Variants in P3H2 observed in about 807,000 individuals in gnomAD.
P3H2 encodes the protein prolyl 3-hydroxylase 2, also known as leprecan-like 1.
A neutral mutation model predicts 87.0 loss-of-function variants in P3H2; 80 were observed. That is an observed-to-expected ratio of 0.92 (90% CI 0.77 to 1.11). P3H2 has a LOEUF of 1.11. Among genes scored for constraint, P3H2 ranks in the 50% least tolerant of loss-of-function variants. The probability of loss-of-function intolerance (pLI) is 0.00; values close to 1 mark genes in which losing one functional copy is unlikely to be tolerated. For missense variants in P3H2, 1,001 were observed against 923.9 expected, an observed-to-expected ratio of 1.08 and a Z score of -1.08; for synonymous variants, 367 against 359.3, an observed-to-expected ratio of 1.02 and a Z score of -0.24.
chr3:190,038,311 A>G (rs1725489323), intron 1 of P3H2, among the ~76,000 whole-genome samples: 1 of 151,754 alleles, frequency 6.6e-6, no homozygotes. Flanking sequence ...ACTATGAGTG[A>G]GTAACATGAT....
At chr3:189,964,383 G>A (rs184251276) in intron 13 of P3H2, among the ~76,000 whole-genome samples, 73 of 152,312 alleles carry the variant, frequency 4.8e-4, no homozygotes, top group African/African-American at 1.7e-3. Flanking sequence ...ATGATAGCCT[G>A]CAAATTCAAA....
intron 9 of P3H2, chr3:189,974,301 A>G (rs1723278194): frequency 1.7e-6 from 1 of 601,354 alleles, no homozygotes; most frequent in Admixed American, 3.0e-5. Flanking sequence ...GCAACTTTAT[A>G]TGATAGGCAG....
intron 14 of P3H2, among the ~76,000 whole-genome samples, chr3:189,962,277 C>T (rs534907550): frequency 1.2e-4 from 18 of 148,646 alleles, no homozygotes; most frequent in African/African-American, 3.4e-4. Context: ...TGGGTTCAAG[C>T]GATTCCCCTG....
chr3:190,121,978 G>C (rs1364937693), upstream of P3H2, among the ~76,000 whole-genome samples: 2 of 151,522 alleles, frequency 1.3e-5, no homozygotes, highest in African/African-American at 2.4e-5. Context: ...TGCAGACCCA[G>C]CTACTCAGGA....
At chr3:190,095,303 CATATATATATATATATATATATATAT>C (rs57074960) in intron 1 of P3H2, among the ~76,000 whole-genome samples, 6,291 of 49,612 alleles carry the variant, frequency 0.13, 338 homozygotes, top group Non-Finnish European at 0.16. Context: ...TGTCTCAAAA[CATATATATATATATATATATATATAT>C]ATATATATAT....
At chr3:190,088,223 A>G (rs1727290719) in intron 1 of P3H2, among the ~76,000 whole-genome samples, 1 of 152,220 alleles carries the variant, frequency 6.6e-6, no homozygotes, top group Non-Finnish European at 1.5e-5. Context: ...TAAAAAAACT[A>G]AATCCCTAAA....
At chr3:190,089,231 A>G (rs1300409963) in intron 1 of P3H2, among the ~76,000 whole-genome samples, 1 of 151,792 alleles carries the variant, frequency 6.6e-6, no homozygotes, top group Admixed American at 6.6e-5. Flanking sequence ...GGGCGGGGGA[A>G]GCGGGGAGGG....
intron 1 of P3H2, among the ~76,000 whole-genome samples, chr3:190,069,728 A>C (rs576404416): frequency 6.6e-6 from 1 of 152,312 alleles, no homozygotes; most frequent in South Asian, 2.1e-4. Context: ...CTGGAGAAGA[A>C]AGGGTTTCAA....
At chr3:189,959,406 T>TC (rs1226253668) in intron 14 of P3H2, among the ~76,000 whole-genome samples, 4 of 39,404 alleles carry the variant, frequency 1.0e-4, no homozygotes, top group Admixed American at 3.5e-4. Context: ...CCCTCCCCCC[T>TC]CCCCCCACCC....
chr3:189,995,559 T>G (rs1482117960), intron 1 of P3H2, 117 bp from the exon 2 acceptor site: 5 of 1,095,000 alleles, frequency 4.6e-6, no homozygotes, highest in Non-Finnish European at 5.2e-6. Flanking sequence ...AGCCTTGGTT[T>G]TTTTTTTTTT....
intron 1 of P3H2, among the ~76,000 whole-genome samples, chr3:190,079,727 C>T (rs1726986224): frequency 6.6e-6 from 1 of 152,140 alleles, no homozygotes; most frequent in Admixed American, 6.6e-5. Flanking sequence ...ATTGAACCTC[C>T]CCCTTCTTAA....
chr3:189,969,790 T>C lies in P3H2; in HGVS notation c.1893+1026A>G, dbSNP rs1723114774. On this transcript the variant is annotated intron_variant, in intron 13 of 14. Transcript: ENST00000319332. ...ATTTTTCAGTTCTTCCTTCTAAAAT[T>C]TCTGGATCATCCAGGCCTGTTCCAC... 1.9e-6 allele frequency: 3 copies of C among 1,608,308 alleles called. No homozygotes were observed. The Admixed American group carries it at 5.0e-5, about 27-fold the overall frequency.
At chr3:190,059,799 C>T (rs574317586) in intron 1 of P3H2, among the ~76,000 whole-genome samples, 6 of 152,290 alleles carry the variant, frequency 3.9e-5, no homozygotes, top group Non-Finnish European at 8.8e-5. Context: ...CCACTCTCCA[C>T]AGTGTCTTCT....
intron 1 of P3H2, among the ~76,000 whole-genome samples, chr3:190,020,036 G>A (rs1434870543): frequency 1.5e-5 from 2 of 132,662 alleles, no homozygotes; most frequent in Non-Finnish European, 3.3e-5. Context: ...GCAGGTGGGG[G>A]CACAAACCTG....
intron 1 of P3H2, among the ~76,000 whole-genome samples, chr3:190,051,791 G>T (rs755057616): frequency 1.3e-5 from 2 of 152,170 alleles, no homozygotes; most frequent in Non-Finnish European, 2.9e-5. Flanking sequence ...CCAAGAAAGG[G>T]CGTTCAAAAC....
chr3:190,004,456 C>G (rs1029342506), intron 1 of P3H2, among the ~76,000 whole-genome samples: 1 of 152,090 alleles, frequency 6.6e-6, no homozygotes, highest in Non-Finnish European at 1.5e-5. Flanking sequence ...GATCTCGGCT[C>G]ACTGCAAGCT....
At chr3:190,079,297 C>T (rs796437175) in intron 1 of P3H2, among the ~76,000 whole-genome samples, 9 of 151,554 alleles carry the variant, frequency 5.9e-5, no homozygotes, top group African/African-American at 1.5e-4. Context: ...GCTGAGATCA[C>T]GCCGCTGCAC....
chr3:190,045,991 C>A (rs189560411), intron 1 of P3H2, among the ~76,000 whole-genome samples: 3 of 152,010 alleles, frequency 2.0e-5, no homozygotes, highest in Non-Finnish European at 4.4e-5. Flanking sequence ...GCCGTGGTGG[C>A]GGGCGCCTGT....
At chr3:189,958,082 C>T in intron 14 of P3H2, 78 bp from the exon 15 acceptor site, 1 of 1,023,024 alleles carries the variant, frequency 9.8e-7, no homozygotes, top group Non-Finnish European at 1.6e-6. Flanking sequence ...CCAAACACTT[C>T]CTGGCATCCA....
Sources: gnomAD v4.1 joint callset for allele counts (sites outside exome capture counted in the v4.1 genomes callset) on GRCh38, gnomAD v4.1.1 for gene constraint, MANE v1.5 for transcripts, NCBI Gene and HGNC (gene_info 2026-07-23, HGNC 2026-07-21) for gene names.